MED12L: variants seen among roughly 807,000 people sequenced by gnomAD.
MED12L encodes mediator of RNA polymerase II transcription subunit 12-like protein.
MED12L carries 60 observed loss-of-function variants against 281.3 expected under a neutral mutation model. That is an observed-to-expected ratio of 0.21 (90% CI 0.17 to 0.26). The LOEUF is 0.26. Among genes scored for constraint, MED12L ranks in the 10% least tolerant of loss-of-function variants. MED12L has a pLI of 1.00. For missense variants in MED12L, 2,146 were observed against 2,680.9 expected, an observed-to-expected ratio of 0.80 and a Z score of 4.41; for synonymous variants, 974 against 987.2, an observed-to-expected ratio of 0.99 and a Z score of 0.25.
At chr3:151,408,424 G>C (rs1020455744) in intron 39 of MED12L, among the ~76,000 whole-genome samples, 12 of 151,824 alleles carry the variant, frequency 7.9e-5, no homozygotes, top group African/African-American at 2.9e-4. Flanking sequence ...CTCTGTTAAA[G>C]ACAGTAGTAA....
In MED12L at chr3:151,411,349, C is replaced by T. The variant is rs1348133537; in HGVS notation, c.5982C>T (p.Gly1994=). 8 of 1,614,176 alleles carry T rather than the reference C, an allele frequency of 5.0e-6. No homozygotes were observed. Among genetic ancestry groups the T allele is most frequent in the Non-Finnish European group, 6.8e-6 (8 of 1,180,036 alleles). ...AGCAGACATCGCAGCAGCAGGCTGG[C>T]AGTGTGGTCCTGTCTCCCAGCTATA... ...PLQQTSQQQA[G]SVVLSPSYNS... is the part of the protein sequence containing the mutation. The change falls in exon 41 of 45, where the codon GGC becomes GGT. Residue 1994 remains glycine, a synonymous_variant. Transcript: ENST00000687756.
chr3:151,245,182 C>T (rs927870899), intron 16 of MED12L, among the ~76,000 whole-genome samples: 4 of 152,106 alleles, frequency 2.6e-5, no homozygotes, highest in Admixed American at 2.6e-4. Flanking sequence ...CTGAATTCTA[C>T]CAGAGGTATA....
chr3:151,317,332 G>T (rs1433658527), intron 16 of MED12L, among the ~76,000 whole-genome samples: 1 of 150,896 alleles, frequency 6.6e-6, no homozygotes, highest in Non-Finnish European at 1.5e-5. Context: ...TTATTCAGGG[G>T]CTGGGTTCAC....
At chr3:151,271,170 TA>T (rs552050659) in intron 16 of MED12L, among the ~76,000 whole-genome samples, 17 of 151,990 alleles carry the variant, frequency 1.1e-4, no homozygotes, top group Non-Finnish European at 2.4e-4. Context: ...TACTCTATAA[TA>T]AAAAGACAAA....
intron 16 of MED12L, among the ~76,000 whole-genome samples, chr3:151,254,509 T>G (rs116691357): frequency 0.012 from 1,817 of 152,340 alleles, 26 homozygotes; most frequent in Non-Finnish European, 0.019. Flanking sequence ...TTGAGATATG[T>G]AAACATGCTA....
Position 151,367,745 on chromosome 3 carries a change from C to A in MED12L, c.3427C>A (p.Leu1143Ile), listed in dbSNP as rs1469827825. The A allele has an allele frequency of 6.2e-7, 1 of 1,609,872 alleles. No homozygotes were observed. Among genetic ancestry groups the A allele is most frequent in the East Asian group, 2.2e-5 (1 of 44,728 alleles). Residue 1143 changes from leucine (L) to isoleucine (I), a missense_variant, in exon 24 of 45, where the codon CTT (leucine) becomes ATT (isoleucine). Transcript: ENST00000687756. ...GGAGGACGTCGTGCAGCATGTCGCACTTCCCTCTCTTCTAGCAGCAGGTAA... is the reference window on the plus strand; with the variant it reads ...GGAGGACGTCGTGCAGCATGTCGCAATTCCCTCTCTTCTAGCAGCAGGTAA... ...SLEDVVQHVA[L>I]PSLLAAACGD...
At chr3:151,242,072 A>C (rs1734237507) in intron 16 of MED12L, among the ~76,000 whole-genome samples, 1 of 152,194 alleles carries the variant, frequency 6.6e-6, no homozygotes, top group African/African-American at 2.4e-5. Context: ...CGACGGGCTT[A>C]AAAAACGGGG....
At chr3:151,148,595 A>G (rs1446211776) in intron 5 of MED12L, among the ~76,000 whole-genome samples, 1 of 152,204 alleles carries the variant, frequency 6.6e-6, no homozygotes, top group East Asian at 1.9e-4. Flanking sequence ...AAGGAAATGA[A>G]TTTCTCCATT....
intron 16 of MED12L, among the ~76,000 whole-genome samples, chr3:151,242,521 C>T (rs796897471): frequency 1.3e-4 from 20 of 150,082 alleles, no homozygotes; most frequent in South Asian, 1.3e-3. Context: ...ACACCTCACA[C>T]AGCAGGGTAT....
chr3:151,411,166 A>G lies in MED12L; in HGVS notation c.5911-112A>G, dbSNP rs1716887203. 10 of 821,734 alleles carry G rather than the reference A, an allele frequency of 1.2e-5. No homozygotes were observed. In the South Asian group the frequency reaches 1.5e-4, roughly 12 times the overall value. The allele number at this position is 821,734 out of a possible 1,614,324, so 50.9% of individuals were successfully genotyped here. A position where few individuals can be genotyped will look rare whatever the true frequency, so the allele number is the denominator to read the frequency against. ...TTGAGTTATGAGAACCTTTGAAAAC[A>G]GTGAATTTCAGGGGAGTCCTCATGG... On this transcript the variant is annotated intron_variant, in intron 40 of 44. Coordinates refer to ENST00000687756, the MANE Select transcript of MED12L (RefSeq NM_001393769.1).
chr3:151,387,832 A>G lies in MED12L; in HGVS notation c.5111A>G (p.Gln1704Arg). The G allele has an allele frequency of 6.2e-7, 1 of 1,613,580 alleles. No individual in the cohort carries two copies. The highest frequency in any genetic ancestry group is 8.5e-7 in the Non-Finnish European group (1 of 1,179,652). ...CAGGGTCTCCAGGTCTCTACGAAGC[A>G]GAAGGTGTCCCCGTGGGACTTGTTT... ...KKQGLQVSTK[Q>R]KVSPWDLFEG... Residue 1704 changes from glutamine to arginine, a missense_variant, in exon 37 of 45, where the codon CAG becomes CGG. Gln to Arg is a conservative substitution (Grantham distance 43). This residue lies in a region of MED12L where 212 missense variants were observed against 340.8 expected (regional missense o/e 0.62). Transcript: ENST00000687756.
intron 2 of MED12L, among the ~76,000 whole-genome samples, chr3:151,113,720 G>C (rs866341497): frequency 6.6e-6 from 1 of 152,190 alleles, no homozygotes; most frequent in South Asian, 2.1e-4. Context: ...GAAAATCTGA[G>C]GTAGATGACA....
intron 16 of MED12L, among the ~76,000 whole-genome samples, chr3:151,236,413 A>T (rs1307162265): frequency 6.6e-6 from 1 of 152,220 alleles, no homozygotes; most frequent in African/African-American, 2.4e-5. Context: ...CATTCTTGTT[A>T]TGCAGCATTC....
chr3:151,114,134 G>T (rs1712353039), intron 2 of MED12L, among the ~76,000 whole-genome samples: 1 of 152,182 alleles, frequency 6.6e-6, no homozygotes, highest in South Asian at 2.1e-4. Context: ...AAACCTTTCT[G>T]ACTTAAAATA....
chr3:151,128,852 G>C (rs1478133112), intron 5 of MED12L, among the ~76,000 whole-genome samples: 1 of 152,188 alleles, frequency 6.6e-6, no homozygotes, highest in East Asian at 1.9e-4. Flanking sequence ...TAAAATGTAA[G>C]GCCCATAAGG....
chr3:151,240,356 T>G (rs1733833218), intron 16 of MED12L, among the ~76,000 whole-genome samples: 1 of 152,242 alleles, frequency 6.6e-6, no homozygotes, highest in East Asian at 1.9e-4. Flanking sequence ...TCAAGCAGTT[T>G]CCAGTGGGAT....
At chr3:151,180,622 G>A (rs995486430) in intron 11 of MED12L, among the ~76,000 whole-genome samples, 1 of 152,188 alleles carries the variant, frequency 6.6e-6, no homozygotes, top group Non-Finnish European at 1.5e-5. Flanking sequence ...ATCTGGATGT[G>A]TTCAAAAGAA....
At chr3:151,165,656 G>A in intron 10 of MED12L, 137 bp downstream of exon 10, 1 of 931,284 alleles carries the variant, frequency 1.1e-6, no homozygotes, top group South Asian at 1.6e-5. Context: ...ACAATCTTCA[G>A]TTTATGCCTT....
chr3:151,141,544 C>G (rs924420763), intron 5 of MED12L, among the ~76,000 whole-genome samples: 1 of 152,080 alleles, frequency 6.6e-6, no homozygotes, highest in African/African-American at 2.4e-5. Context: ...ACATTAGTAT[C>G]TAATTACCTG....
Sources: allele counts gnomAD v4.1 joint callset (sites outside exome capture counted in the v4.1 genomes callset), GRCh38; gene constraint gnomAD v4.1.1; regional missense constraint gnomAD v4.1.1; transcripts MANE v1.5; gene names NCBI Gene and HGNC (gene_info 2026-07-23, HGNC 2026-07-21).